Variants in PTPRD observed in about 807,000 individuals in gnomAD.
PTPRD encodes protein tyrosine phosphatase receptor type D, also known as receptor-type tyrosine-protein phosphatase delta.
Under a neutral mutation model 214.5 loss-of-function variants are expected in PTPRD, and 34 were observed. The observed-to-expected ratio is 0.16, with a 90% CI of 0.12 to 0.21. The LOEUF (loss-of-function observed/expected upper bound fraction) is 0.21. Ranked by LOEUF, PTPRD falls within the 10% of genes least tolerant of loss-of-function variation. PTPRD has a pLI of 1.00. For synonymous variants in PTPRD, 1,128 were observed against 845.7 expected (o/e 1.33, Z -5.79); for missense variants, 2,545 against 2,398.7 (o/e 1.06, Z -1.27).
intron 5 of PTPRD, among the ~76,000 whole-genome samples, chr9:9,927,126 C>G (rs958039787): frequency 6.6e-6 from 1 of 152,120 alleles, no homozygotes; most frequent in East Asian, 1.9e-4. Flanking sequence ...CCATTATATA[C>G]TTAACCAGTA....
intron 11 of PTPRD, among the ~76,000 whole-genome samples, chr9:8,755,529 C>CG (rs1555277292): frequency 1.0e-4 from 9 of 88,536 alleles, no homozygotes; most frequent in African/African-American, 2.8e-4. Context: ...AACTCTGTCT[C>CG]AAAAAAAAAA....
In PTPRD at chr9:9,645,064, A is replaced by C. The variant is rs145695302; in HGVS notation, c.-286-70283T>G. ...AGCCATCTGCAGACAGCAACTGCTA[A>C]AAGAGCATTAATTGTAAAACACCCC... is the stretch of plus-strand genomic sequence containing the variant. On this transcript the variant is annotated intron_variant, in intron 7 of 45. Coordinates refer to ENST00000381196, the MANE Select transcript of PTPRD (RefSeq NM_002839.4). Among the ~76,000 whole-genome samples, 355 of 152,342 alleles carry C rather than the reference A, an allele frequency of 2.3e-3. 2 individuals are homozygous for C. The highest frequency in any genetic ancestry group is 8.1e-3 in the African/African-American group (336 of 41,566).
intron 2 of PTPRD, among the ~76,000 whole-genome samples, chr9:10,341,767 G>C (rs561858520): frequency 2.4e-4 from 36 of 152,008 alleles, no homozygotes; most frequent in Admixed American, 2.2e-3. Flanking sequence ...TCATTTGTTT[G>C]TTATTATTAA....
intron 33 of PTPRD, among the ~76,000 whole-genome samples, chr9:8,459,591 T>G (rs2096323925): frequency 6.6e-6 from 1 of 152,032 alleles, no homozygotes; most frequent in Admixed American, 6.6e-5. Flanking sequence ...TCTATCTAAC[T>G]GACTGGCCAG....
At chr9:9,191,660 C>A (rs1186399195) in intron 9 of PTPRD, among the ~76,000 whole-genome samples, 1 of 151,998 alleles carries the variant, frequency 6.6e-6, no homozygotes, top group African/African-American at 2.4e-5. Flanking sequence ...GAAAGCAATG[C>A]TGTAACTCTT....
chr9:10,092,923 C>T (rs73392166), intron 3 of PTPRD, among the ~76,000 whole-genome samples: 2,686 of 151,682 alleles, frequency 0.018, 83 homozygotes, highest in African/African-American at 0.059. Flanking sequence ...AACTGGACTC[C>T]TGCCTTTTAC....
At chr9:8,956,246 T>C (rs2099131041) in intron 11 of PTPRD, among the ~76,000 whole-genome samples, 1 of 151,912 alleles carries the variant, frequency 6.6e-6, no homozygotes, top group African/African-American at 2.4e-5. Context: ...GAAACAGCCA[T>C]GAATAAAGTC....
chr9:9,167,515 G>C (rs2099906573), intron 10 of PTPRD, among the ~76,000 whole-genome samples: 1 of 152,072 alleles, frequency 6.6e-6, no homozygotes, highest in African/African-American at 2.4e-5. Context: ...AGTACTTTGG[G>C]AGACCGAGGT....
intron 11 of PTPRD, among the ~76,000 whole-genome samples, chr9:8,825,911 GT>G (rs1029947122): frequency 1.3e-5 from 2 of 152,140 alleles, no homozygotes; most frequent in Admixed American, 1.3e-4. Flanking sequence ...GTGTTGGTGG[GT>G]TTTGGCCAGC....
chr9:10,327,712 A>C (rs2096670177), intron 3 of PTPRD, among the ~76,000 whole-genome samples: 1 of 151,704 alleles, frequency 6.6e-6, no homozygotes, highest in Non-Finnish European at 1.5e-5. Flanking sequence ...TTTTTTTTCC[A>C]CTTTCCAAAC....
intron 7 of PTPRD, among the ~76,000 whole-genome samples, chr9:9,580,376 G>T (rs187532387): frequency 6.6e-6 from 1 of 151,648 alleles, no homozygotes; most frequent in Non-Finnish European, 1.5e-5. Context: ...ACACTTTTTT[G>T]TCTTTTTGTT....
intron 14 of PTPRD, among the ~76,000 whole-genome samples, chr9:8,630,793 G>A (rs2154316053): frequency 6.6e-6 from 1 of 151,910 alleles, no homozygotes; most frequent in South Asian, 2.1e-4. Flanking sequence ...CTGAGAGACA[G>A]GAAAACATTA....
At chr9:8,710,526 G>A (rs1015637377) in intron 12 of PTPRD, among the ~76,000 whole-genome samples, 11 of 152,112 alleles carry the variant, frequency 7.2e-5, no homozygotes, top group African/African-American at 7.2e-5. Context: ...TGAGGTGGGA[G>A]GATCACCTGA....
rs1442817652 is a variant in PTPRD, at chr9:9,161,788, A to T, written c.-143+21516T>A. ...TACTTGTGTATCATACTATATTTTTATCTCTAAATGGTAAACTATGTAACA... is the reference window on the plus strand; with the variant it reads ...TACTTGTGTATCATACTATATTTTTTTCTCTAAATGGTAAACTATGTAACA... On this transcript the variant is annotated intron_variant, in intron 10 of 45. Transcript: ENST00000381196. Among the ~76,000 whole-genome samples, 5 of 152,198 alleles carry T rather than the reference A, an allele frequency of 3.3e-5. No individual in the cohort carries two copies. The East Asian group carries it at 9.6e-4, about 29-fold the overall frequency.
chr9:8,568,047 G>C (rs1317948568), intron 14 of PTPRD, among the ~76,000 whole-genome samples: 1 of 152,064 alleles, frequency 6.6e-6, no homozygotes, highest in African/African-American at 2.4e-5. Context: ...GTATGTATCA[G>C]AGGCTGACAG....
At chr9:9,482,044 C>T (rs1391627484) in intron 8 of PTPRD, among the ~76,000 whole-genome samples, 3 of 152,056 alleles carry the variant, frequency 2.0e-5, no homozygotes, top group Non-Finnish European at 4.4e-5. Flanking sequence ...AGCTACTCTG[C>T]CACATGAATC....
At chr9:10,080,495 T>C (rs997208092) in intron 3 of PTPRD, among the ~76,000 whole-genome samples, 8 of 151,900 alleles carry the variant, frequency 5.3e-5, no homozygotes, top group African/African-American at 1.7e-4. Context: ...AACAAGAAAA[T>C]TGGGAATGTG....
At chr9:9,273,810 G>C (rs955805359) in intron 9 of PTPRD, among the ~76,000 whole-genome samples, 24 of 151,234 alleles carry the variant, frequency 1.6e-4, no homozygotes, top group African/African-American at 4.8e-4. Context: ...CTGCAAATCT[G>C]ACTAGGAGTT....
chr9:10,587,371 T>C (rs1045345625), intron 2 of PTPRD, among the ~76,000 whole-genome samples: 2 of 152,118 alleles, frequency 1.3e-5, no homozygotes, highest in Non-Finnish European at 2.9e-5. Flanking sequence ...ATGAGAATAA[T>C]TCATTGATTA....
Sources: allele counts gnomAD v4.1 joint callset (sites outside exome capture counted in the v4.1 genomes callset), GRCh38; gene constraint gnomAD v4.1.1; transcripts MANE v1.5; gene names NCBI Gene and HGNC (gene_info 2026-07-23, HGNC 2026-07-21).